The following LHFPL3 variants were observed in gnomAD, a reference collection of about 807,000 sequenced individuals.
The protein encoded by LHFPL3 is LHFPL tetraspan subfamily member 3, also known as LHFPL tetraspan subfamily member 3 protein.
Under a neutral mutation model 19.3 loss-of-function variants are expected in LHFPL3, and 5 were observed. That is an observed-to-expected ratio of 0.26 (90% CI 0.14 to 0.54). LHFPL3 has a LOEUF of 0.54. Among genes scored for constraint, LHFPL3 ranks in the 20% least tolerant of loss-of-function variants. The pLI, the probability that LHFPL3 is intolerant of heterozygous loss-of-function variation, is 0.94. For synonymous variants in LHFPL3, 133 were observed against 126.2 expected, an observed-to-expected ratio of 1.05 and a Z score of -0.36; for missense variants, 249 against 307.4, an observed-to-expected ratio of 0.81 and a Z score of 1.42.
chr7:104,809,955 AG>A (rs1790434790), intron 2 of LHFPL3, among the ~76,000 whole-genome samples: 1 of 152,240 alleles, frequency 6.6e-6, no homozygotes, highest in Admixed American at 6.5e-5. Context: ...TGCTGCAATA[AG>A]GAAGATGCAA....
At chr7:104,639,174 T>A (rs76089875) in intron 1 of LHFPL3, among the ~76,000 whole-genome samples, 1 of 152,298 alleles carries the variant, frequency 6.6e-6, no homozygotes, top group Non-Finnish European at 1.5e-5. Context: ...CTGGTAGAAT[T>A]CAGAATTTGG....
chr7:104,639,663 G>T (rs746783154), intron 1 of LHFPL3, among the ~76,000 whole-genome samples: 1 of 152,080 alleles, frequency 6.6e-6, no homozygotes. Flanking sequence ...AAAGTATTTT[G>T]GGAATGGGAA....
chr7:104,384,467 T>C (rs1225878704), intron 1 of LHFPL3, among the ~76,000 whole-genome samples: 1 of 151,896 alleles, frequency 6.6e-6, no homozygotes, highest in Non-Finnish European at 1.5e-5. Context: ...ATGAGGCGCT[T>C]GTATGAAACA....
intron 1 of LHFPL3, among the ~76,000 whole-genome samples, chr7:104,500,963 G>C (rs1371810210): frequency 6.6e-6 from 1 of 152,136 alleles, no homozygotes; most frequent in African/African-American, 2.4e-5. Context: ...ATCCCAGGCA[G>C]CTTTACTCTC....
chr7:104,719,679 A>G (rs547297965), intron 1 of LHFPL3, among the ~76,000 whole-genome samples: 135 of 152,334 alleles, frequency 8.9e-4, no homozygotes, highest in African/African-American at 3.1e-3. Context: ...ATGTCTAGTT[A>G]TAAGTAACAT....
At chr7:104,833,007 T>TATCTATTATATATAATAGAG (rs1562807977) in intron 2 of LHFPL3, among the ~76,000 whole-genome samples, 1 of 81,744 alleles carries the variant, frequency 1.2e-5, no homozygotes, top group Non-Finnish European at 2.3e-5. Context: ...ATATTATATA[T>TATCTATTATATATAATAGAG]ATATATTATA....
At chr7:104,808,706 A>T (rs1053265692) in intron 2 of LHFPL3, among the ~76,000 whole-genome samples, 2 of 152,172 alleles carry the variant, frequency 1.3e-5, no homozygotes, top group Non-Finnish European at 2.9e-5. Context: ...ATTACACACA[A>T]CGCAAGCCAA....
intron 1 of LHFPL3, among the ~76,000 whole-genome samples, chr7:104,378,735 C>G (rs1180861406): frequency 6.6e-6 from 1 of 152,062 alleles, no homozygotes; most frequent in Non-Finnish European, 1.5e-5. Flanking sequence ...TTGCATTTGT[C>G]TTATGACTAG....
At chr7:104,748,904 G>A (rs946550901) in intron 2 of LHFPL3, among the ~76,000 whole-genome samples, 27 of 152,206 alleles carry the variant, frequency 1.8e-4, no homozygotes, top group African/African-American at 5.8e-4. Flanking sequence ...CGCCCAACGT[G>A]GGGCTAAGGG....
chr7:104,695,565 G>A (rs995637727), intron 1 of LHFPL3, among the ~76,000 whole-genome samples: 5 of 152,182 alleles, frequency 3.3e-5, no homozygotes, highest in African/African-American at 9.6e-5. Flanking sequence ...AAGCTGCTGA[G>A]ACTAAAAAAC....
intron 1 of LHFPL3, among the ~76,000 whole-genome samples, chr7:104,444,098 T>G (rs1792280181): frequency 6.6e-6 from 1 of 152,208 alleles, no homozygotes; most frequent in Non-Finnish European, 1.5e-5. Flanking sequence ...TTCCCTAAAA[T>G]TGGAATCTTT....
At chr7:104,513,903 G>T (rs1287976663) in intron 1 of LHFPL3, among the ~76,000 whole-genome samples, 1 of 152,136 alleles carries the variant, frequency 6.6e-6, no homozygotes, top group African/African-American at 2.4e-5. Context: ...TCATTTGTGG[G>T]TACACTTATG....
chr7:104,375,625 A>T (rs1176657662), intron 1 of LHFPL3, among the ~76,000 whole-genome samples: 3 of 152,228 alleles, frequency 2.0e-5, no homozygotes, highest in African/African-American at 4.8e-5. Flanking sequence ...TTATTGGCTA[A>T]GAATTTACAG....
At position 104,611,792 on chromosome 7, in the gene LHFPL3, T is replaced by G. The variant is rs573764461; in HGVS notation, c.446-124883T>G. ...GTAGGGACAATAGAATTAAGAGTAG[T>G]TACAACTATATGAACTAAATCTCAA... On this transcript the variant is annotated intron_variant, in intron 1 of 2. Coordinates refer to ENST00000424859, the MANE Select transcript of LHFPL3 (RefSeq NM_199000.3). Among the ~76,000 whole-genome samples, 352 of 152,212 alleles carry G rather than the reference T, an allele frequency of 2.3e-3. 1 individual carries two copies. The highest frequency in any genetic ancestry group is 0.017 in the South Asian group (83 of 4,822).
intron 2 of LHFPL3, among the ~76,000 whole-genome samples, chr7:104,853,710 C>A (rs950590405): frequency 6.6e-6 from 1 of 152,208 alleles, no homozygotes; most frequent in African/African-American, 2.4e-5. Context: ...TATTTTAGTA[C>A]CTTTAATGGC....
intron 1 of LHFPL3, among the ~76,000 whole-genome samples, chr7:104,490,792 C>T (rs899411865): frequency 6.6e-6 from 1 of 152,282 alleles, no homozygotes; most frequent in African/African-American, 2.4e-5. Context: ...AATATGAAAA[C>T]TGAGGCTTCT....
chr7:104,505,212 A>G (rs1793673403), intron 1 of LHFPL3, among the ~76,000 whole-genome samples: 1 of 152,238 alleles, frequency 6.6e-6, no homozygotes, highest in South Asian at 2.1e-4. Context: ...CATGGGACAT[A>G]CATCATATAA....
At chr7:104,502,246 T>C (rs1160248649) in intron 1 of LHFPL3, among the ~76,000 whole-genome samples, 2 of 152,216 alleles carry the variant, frequency 1.3e-5, no homozygotes, top group Non-Finnish European at 2.9e-5. Context: ...ACTTGCTTGC[T>C]AACACCTGAA....
chr7:104,813,007 G>C (rs1425615165), intron 2 of LHFPL3, among the ~76,000 whole-genome samples: 2 of 151,564 alleles, frequency 1.3e-5, no homozygotes, highest in South Asian at 4.2e-4. Context: ...CACCAAGTCA[G>C]GGGGGCTGAG....
Sources: allele counts gnomAD v4.1 joint callset (sites outside exome capture counted in the v4.1 genomes callset), GRCh38; gene constraint gnomAD v4.1.1; transcripts MANE v1.5; gene names NCBI Gene and HGNC (gene_info 2026-07-23, HGNC 2026-07-21).